Variants in ODF2L observed in about 807,000 individuals in gnomAD.
The protein encoded by ODF2L is outer dense fiber of sperm tails 2 like.
Under a neutral mutation model 86.3 loss-of-function variants are expected in ODF2L, and 76 were observed. The ratio of observed to expected loss-of-function variants is 0.88; its 90% CI spans 0.73 to 1.07. The LOEUF is 1.07. Among genes scored for constraint, ODF2L ranks in the 50% least tolerant of loss-of-function variants. The pLI is 0.00. For synonymous variants in ODF2L, 241 were observed against 231.3 expected, an observed-to-expected ratio of 1.04 and a Z score of -0.38; for missense variants, 748 against 717.4, an observed-to-expected ratio of 1.04 and a Z score of -0.49.
chr1:86,356,566 C>T, exon 14 of ODF2L: 1 of 1,614,038 alleles, frequency 6.2e-7, no homozygotes, highest in Non-Finnish European at 8.5e-7. Flanking sequence ...CAGACACGCT[C>T]TAACTCCTTC....
intron 1 of ODF2L, among the ~76,000 whole-genome samples, chr1:86,390,939 G>C (rs10873775): frequency 0.32 from 48,173 of 151,970 alleles, 7,756 homozygotes; most frequent in East Asian, 0.41. Flanking sequence ...GAATCCTAAA[G>C]ACTCCTCCAA....
intron 7 of ODF2L, among the ~76,000 whole-genome samples, chr1:86,381,485 C>CT (rs1392635584): frequency 6.6e-6 from 1 of 152,052 alleles, no homozygotes; most frequent in African/African-American, 2.4e-5. Flanking sequence ...ATGCTACAGG[C>CT]TGCAGACATC....
chr1:86,395,791 C>G (rs971149005), intron 1 of ODF2L, among the ~76,000 whole-genome samples: 2 of 152,154 alleles, frequency 1.3e-5, no homozygotes, highest in Non-Finnish European at 2.9e-5. Context: ...TAACATTTGC[C>G]CTGATGTCCC....
chr1:86,356,925 C>T (rs1450628875), intron 13 of ODF2L, among the ~76,000 whole-genome samples: 1 of 152,126 alleles, frequency 6.6e-6, no homozygotes, highest in Non-Finnish European at 1.5e-5. Flanking sequence ...ATAACCATTA[C>T]TAATAAAGCC....
chr1:86,385,142 T>C (rs1164493515), intron 3 of ODF2L, among the ~76,000 whole-genome samples: 3 of 152,008 alleles, frequency 2.0e-5, no homozygotes, highest in African/African-American at 2.4e-5. Context: ...TAGAAACAGA[T>C]ATATTTCATC....
chr1:86,364,046 A>G (rs1659227651), intron 11 of ODF2L, among the ~76,000 whole-genome samples: 1 of 152,188 alleles, frequency 6.6e-6, no homozygotes. Flanking sequence ...AAAATAATGC[A>G]TTAAAAATAC....
chr1:86,394,622 C>T (rs1359809255), intron 1 of ODF2L, among the ~76,000 whole-genome samples: 1 of 152,066 alleles, frequency 6.6e-6, no homozygotes, highest in African/African-American at 2.4e-5. Context: ...AGAGAGCAGA[C>T]CGCGACCAGA....
intron 16 of ODF2L, among the ~76,000 whole-genome samples, 183 bp downstream of exon 15, chr1:86,354,347 G>A (rs1019939641): frequency 6.6e-6 from 1 of 152,174 alleles, no homozygotes. Flanking sequence ...ATCTAGTGAA[G>A]TAGCTCTAGC....
chr1:86,366,429 CACACATACACATACACAT>C (rs781523215), intron 11 of ODF2L, among the ~76,000 whole-genome samples: 1 of 139,832 alleles, frequency 7.2e-6, no homozygotes, highest in Admixed American at 7.0e-5. Flanking sequence ...CACACACACA[CACACATACACATACACAT>C]ACACACACAT....
intron 7 of ODF2L, among the ~76,000 whole-genome samples, chr1:86,377,879 TC>T (rs1369590995): frequency 6.6e-6 from 1 of 152,190 alleles, no homozygotes; most frequent in Non-Finnish European, 1.5e-5. Context: ...AGAAACATTT[TC>T]CCCATTAATA....
chr1:86,395,321 C>G (rs1459643366), intron 1 of ODF2L, among the ~76,000 whole-genome samples: 1 of 152,202 alleles, frequency 6.6e-6, no homozygotes, highest in Non-Finnish European at 1.5e-5. Flanking sequence ...CACCACCACT[C>G]ACTAACCACC....
At chr1:86,376,327 G>A (rs748168410) in exon 8 of ODF2L, 31 of 1,611,954 alleles carry the variant, frequency 1.9e-5, no homozygotes, top group Non-Finnish European at 2.5e-5. Flanking sequence ...TAAAGCTACA[G>A]TTTTTTGCCT....
At chr1:86,359,416 A>G (rs142488440) in intron 12 of ODF2L, among the ~76,000 whole-genome samples, 1 of 152,204 alleles carries the variant, frequency 6.6e-6, no homozygotes, top group East Asian at 1.9e-4. Flanking sequence ...GAAATATTCT[A>G]ACTGGATGTC....
chr1:86,375,347 A>T (rs1272816491), intron 8 of ODF2L, among the ~76,000 whole-genome samples: 3 of 152,160 alleles, frequency 2.0e-5, no homozygotes, highest in Non-Finnish European at 4.4e-5. Context: ...GATAGGGAGT[A>T]TTATGATGCC....
intron 1 of ODF2L, among the ~76,000 whole-genome samples, chr1:86,388,855 A>G (rs1661127358): frequency 1.3e-5 from 2 of 152,150 alleles, no homozygotes; most frequent in African/African-American, 4.8e-5. Context: ...TAAAATCAAC[A>G]CACTGTAAAA....
chr1:86,364,626 T>G (rs1411873821), intron 11 of ODF2L, among the ~76,000 whole-genome samples: 1 of 152,128 alleles, frequency 6.6e-6, no homozygotes, highest in Non-Finnish European at 1.5e-5. Context: ...TATGGGAATT[T>G]TGGGGAGGCT....
chr1:86,379,594 C>G (rs1230580881), intron 7 of ODF2L, among the ~76,000 whole-genome samples: 6 of 152,082 alleles, frequency 3.9e-5, no homozygotes, highest in African/African-American at 1.4e-4. Context: ...CTTTGAAAGA[C>G]AAAATCTTAA....
chr1:86,350,100 C>A, exon 18 of ODF2L: 2 of 357,774 alleles, frequency 5.6e-6, no homozygotes, highest in Non-Finnish European at 7.8e-6. Context: ...AACATCAGAT[C>A]TTTATTTTTT....
intron 1 of ODF2L, among the ~76,000 whole-genome samples, chr1:86,392,404 T>C (rs1031358385): frequency 6.6e-6 from 1 of 152,056 alleles, no homozygotes; most frequent in African/African-American, 2.4e-5. Flanking sequence ...AGCAACACAA[T>C]GTCCATCAAA....
Sources: allele counts gnomAD v4.1 joint callset (sites outside exome capture counted in the v4.1 genomes callset), GRCh38; gene constraint gnomAD v4.1.1; transcripts MANE v1.5; gene names NCBI Gene and HGNC (gene_info 2026-07-23, HGNC 2026-07-21).